The following SECISBP2L variants were observed in gnomAD, a reference collection of about 807,000 sequenced individuals.
SECISBP2L encodes selenocysteine insertion sequence-binding protein 2-like.
Under a neutral mutation model 114.7 loss-of-function variants are expected in SECISBP2L, and 43 were observed. The ratio of observed to expected loss-of-function variants is 0.38; its 90% confidence interval spans 0.29 to 0.48. The LOEUF (loss-of-function observed/expected upper bound fraction) is 0.48. Among genes scored for constraint, SECISBP2L ranks in the 20% least tolerant of loss-of-function variants. SECISBP2L has a pLI of 0.98. For synonymous variants in SECISBP2L, 451 were observed against 439.7 expected (o/e 1.03, Z -0.32); for missense variants, 1,136 against 1,301.1 (o/e 0.87, Z 1.95).
intron 11 of SECISBP2L, 58 bp from the exon 12 acceptor site, chr15:49,012,875 A>T: frequency 6.6e-7 from 1 of 1,524,364 alleles, no homozygotes; most frequent in Non-Finnish European, 8.9e-7. Context: ...ATACTTTCAA[A>T]ATTTCCAATA....
At chr15:49,030,815 G>A (rs1902869057) in intron 4 of SECISBP2L, among the ~76,000 whole-genome samples, 1 of 151,936 alleles carries the variant, frequency 6.6e-6, no homozygotes, top group Non-Finnish European at 1.5e-5. Flanking sequence ...TCTCTGTTCT[G>A]TTCAACTTTT....
chr15:49,030,363 TA>T (rs1374497950), intron 4 of SECISBP2L, among the ~76,000 whole-genome samples: 51 of 152,306 alleles, frequency 3.3e-4, no homozygotes, highest in African/African-American at 1.2e-3. Flanking sequence ...CCTCTCTTTC[TA>T]GGGGGAGGCT....
At chr15:49,035,826 G>C (rs887511857) in intron 2 of SECISBP2L, among the ~76,000 whole-genome samples, 168 bp from the exon 3 acceptor site, 1 of 152,172 alleles carries the variant, frequency 6.6e-6, no homozygotes, top group African/African-American at 2.4e-5. Context: ...CTTTGCTATA[G>C]AGATCATTAT....
chr15:49,028,440 C>T lies in SECISBP2L; in HGVS notation c.894+13G>A, dbSNP rs751196108. 9.3e-6 allele frequency: 15 copies of T among 1,609,674 alleles called. No homozygotes were observed. The highest frequency in any genetic ancestry group is 2.2e-5 in the South Asian group (2 of 90,988). ...TCAATGACCAATAAAGAAATCAAGA[C>T]GATGTCACATACATTCATGGTCCCA... On this transcript the variant is annotated intron_variant, in intron 5 of 17. Transcript: ENST00000559471.
chr15:49,032,034 C>T (rs1029894106), intron 4 of SECISBP2L, among the ~76,000 whole-genome samples: 1 of 152,184 alleles, frequency 6.6e-6, no homozygotes, highest in Admixed American at 6.5e-5. Context: ...ATCAACAAGG[C>T]TTTTAAAACT....
rs182612505 is a variant in SECISBP2L, at chr15:49,005,852, G to A, written c.2027+3364C>T. ...GATGCAGTTTCTTCATAGTGTTGACGGTCTTTACAATTTGGTATGTTTTTG... is the reference window on the plus strand; with the variant it reads ...GATGCAGTTTCTTCATAGTGTTGACAGTCTTTACAATTTGGTATGTTTTTG... On this transcript the variant is annotated intron_variant, in intron 14 of 17. Coordinates refer to ENST00000559471, the MANE Select transcript of SECISBP2L (RefSeq NM_001193489.2). Among the ~76,000 whole-genome samples, 44 of 151,962 alleles carry A rather than the reference G, an allele frequency of 2.9e-4. 1 individual carries two copies. Among genetic ancestry groups the A allele is most frequent in the Admixed American group, 2.6e-3 (40 of 15,260 alleles).
chr15:49,000,268 T>C (rs747646409), intron 15 of SECISBP2L, among the ~76,000 whole-genome samples: 19 of 152,342 alleles, frequency 1.2e-4, no homozygotes, highest in Non-Finnish European at 2.4e-4. Flanking sequence ...AACAAATATT[T>C]ATAATAAAGA....
chr15:49,046,172 G>T, intron 1 of SECISBP2L, 104 bp downstream of exon 1: 1 of 1,349,828 alleles, frequency 7.4e-7, no homozygotes, highest in Non-Finnish European at 1.0e-6. Flanking sequence ...GTCTGCGGCC[G>T]CAGGACCGGC....
rs368957536 is a variant in SECISBP2L at position 48,992,343 on chromosome 15, A to T, written c.3207T>A (p.Thr1069=). 6.2e-7 allele frequency: 1 copy of T among 1,614,054 alleles called. No individual in the cohort carries two copies. Among genetic ancestry groups the T allele is most frequent in the African/African-American group, 1.3e-5 (1 of 74,934 alleles). ...GCCCAGGACTGGCCTGCTGGTCAGC[A>T]GTCCATGCCTCACTGTCCATCCCTG... ...LEPGMDSEAW[T]ADQQASPGQQ... Residue 1069 remains threonine, a synonymous_variant, in exon 18 of 18, where the codon ACT becomes ACA. Coordinates refer to ENST00000559471, the MANE Select transcript of SECISBP2L (RefSeq NM_001193489.2).
chr15:48,996,586 T>C lies in SECISBP2L; in HGVS notation c.2404A>G (p.Ser802Gly), dbSNP rs1368467904. 1 of 1,610,280 alleles carries C rather than the reference T, an allele frequency of 6.2e-7. No homozygotes were observed. The highest frequency in any genetic ancestry group is 8.5e-7 in the Non-Finnish European group (1 of 1,178,474). The change falls in exon 17 of 18, where the codon AGC becomes GGC. Residue 802 changes from serine to glycine, a missense_variant and splice_region_variant. Physicochemically the swap from Ser to Gly is moderately conservative, Grantham distance 56 (BLOSUM62 0). This residue lies in a region of SECISBP2L where 684 missense variants were observed against 848.7 expected (regional missense o/e 0.81). Coordinates refer to ENST00000559471, the MANE Select transcript of SECISBP2L (RefSeq NM_001193489.2). ...VGIFNYFGAE[S>G]LFNKLVELTE... ...AGTTCTACTAATTTATTAAACAGGC[T>C]CTGAAAAGAAAGAGTATTTTGATTA...
intron 14 of SECISBP2L, among the ~76,000 whole-genome samples, chr15:49,005,447 T>C (rs1902298412): frequency 1.3e-5 from 2 of 152,170 alleles, no homozygotes; most frequent in South Asian, 2.1e-4. Flanking sequence ...TTGGGATAGT[T>C]ACCTCATCTT....
intron 1 of SECISBP2L, among the ~76,000 whole-genome samples, chr15:49,039,380 G>A (rs1903073867): frequency 6.6e-6 from 1 of 151,776 alleles, no homozygotes; most frequent in Non-Finnish European, 1.5e-5. Flanking sequence ...CCCCAATTAG[G>A]AAAAAGAAAA....
intron 3 of SECISBP2L, 71 bp downstream of exon 3, chr15:49,035,263 C>T (rs1337023172): frequency 7.2e-7 from 1 of 1,384,534 alleles, no homozygotes; most frequent in Admixed American, 2.1e-5. Flanking sequence ...GTCAATCAAC[C>T]CAAGTAGCAA....
intron 14 of SECISBP2L, among the ~76,000 whole-genome samples, chr15:49,004,974 C>T (rs1189260271): frequency 6.6e-6 from 1 of 152,150 alleles, no homozygotes; most frequent in Non-Finnish European, 1.5e-5. Context: ...AGTTCAAGTC[C>T]TGAATATCCT....
rs74398944 is a variant in SECISBP2L at position 49,030,595 on chromosome 15, T to C, written c.665-1913A>G. The stretch of plus-strand genomic sequence containing the variant: ...CTTTTCCAAGTTGGGGATTATTCTT[T>C]CACTAACTTTTAATAAATAGAAATT... On this transcript the variant is annotated intron_variant, in intron 4 of 17. Transcript: ENST00000559471. Among the ~76,000 whole-genome samples, 843 of 152,326 alleles carry C rather than the reference T, an allele frequency of 5.5e-3. 4 individuals are homozygous for C. Among genetic ancestry groups the C allele is most frequent in the Non-Finnish European group, 9.4e-3 (637 of 68,038 alleles).
chr15:49,030,342 A>G (rs1417582839), intron 4 of SECISBP2L, among the ~76,000 whole-genome samples: 4 of 152,194 alleles, frequency 2.6e-5, no homozygotes, highest in African/African-American at 9.6e-5. Context: ...TGCATCTTTA[A>G]TCAAATACCC....
intron 1 of SECISBP2L, among the ~76,000 whole-genome samples, chr15:49,044,656 CCT>C (rs747841308): frequency 1.3e-5 from 2 of 151,908 alleles, no homozygotes; most frequent in Non-Finnish European, 2.9e-5. Flanking sequence ...ATGTTTTTTT[CCT>C]AGTTCTTAAA....
intron 17 of SECISBP2L, chr15:48,996,114 G>GT (rs1902080171): frequency 2.4e-6 from 1 of 424,152 alleles, no homozygotes; most frequent in African/African-American, 2.0e-5. Context: ...AGTATGGTGT[G>GT]TTTTGCTTTT....
chr15:49,017,553 T>C lies in SECISBP2L; in HGVS notation c.1246A>G (p.Lys416Glu), dbSNP rs1902560948. 2.5e-6 allele frequency: 4 copies of C among 1,590,426 alleles called. No individual in the cohort carries two copies. Among genetic ancestry groups the C allele is most frequent in the Admixed American group, 1.7e-5 (1 of 58,314 alleles). Reference protein sequence around the residue: ...DENIQQKLSSKVLDDLPENSP... With the variant: ...DENIQQKLSSEVLDDLPENSP... ...CTTTTTAAAGAGTTACTTACTACTTTAGAAGAAAGTTTTTGTTGAATATTC... is the reference window on the plus strand; with the variant it reads ...CTTTTTAAAGAGTTACTTACTACTTCAGAAGAAAGTTTTTGTTGAATATTC... The change falls in exon 9 of 18, where the codon AAA becomes GAA. Residue 416 changes from lysine (K) to glutamate (E), a missense_variant. By Grantham distance (56) the Lys-to-Glu change is moderately conservative. This residue lies in a region of SECISBP2L where 684 missense variants were observed against 848.7 expected (regional missense o/e 0.81). Transcript: ENST00000559471.
Sources: allele counts gnomAD v4.1 joint callset (sites outside exome capture counted in the v4.1 genomes callset), GRCh38; gene constraint gnomAD v4.1.1; regional missense constraint gnomAD v4.1.1; transcripts MANE v1.5; gene names NCBI Gene and HGNC (gene_info 2026-07-23, HGNC 2026-07-21).